LRP1B: variants seen among roughly 807,000 people sequenced by gnomAD.
LRP1B encodes low-density lipoprotein receptor-related protein 1B.
A neutral mutation model predicts 556.6 loss-of-function variants in LRP1B; 217 were observed. The observed-to-expected ratio is 0.39, with a 90% CI of 0.35 to 0.44. The LOEUF is 0.44. Ranked by LOEUF, LRP1B falls within the 20% of genes least tolerant of loss-of-function variation. LRP1B has a pLI of 1.00. For missense variants in LRP1B, 5,053 were observed against 5,620.8 expected (o/e 0.90, Z 3.23); for synonymous variants, 2,047 against 1,865.8 (o/e 1.10, Z -2.50).
intron 41 of LRP1B, among the ~76,000 whole-genome samples, chr2:140,645,323 TTTAC>T: frequency 6.6e-6 from 1 of 151,994 alleles, no homozygotes. Context: ...TCCTGTCACT[TTTAC>T]TTAATTATAG....
At chr2:140,937,215 G>A (rs1202167131) in intron 20 of LRP1B, among the ~76,000 whole-genome samples, 1 of 152,034 alleles carries the variant, frequency 6.6e-6, no homozygotes, top group African/African-American at 2.4e-5. Context: ...AGGGCACATA[G>A]GAAACAAATG....
chr2:141,247,306 T>C lies in LRP1B; in HGVS notation c.512A>G (p.Asn171Ser). The stretch of plus-strand genomic sequence containing the variant: ...ACTGCAAGTGTAGGATCCATGTGTG[T>C]TTCTGCAGGTCTGGCTGCATGTACC... ...VYGTCSQTCR[N>S]THGSYTCSCV... is the part of the protein sequence containing the mutation. The change falls in exon 5 of 91, where the codon AAC (asparagine) becomes AGC (serine). Residue 171 changes from asparagine to serine, a missense_variant. By Grantham distance (46) the Asn-to-Ser change is conservative. This residue lies in a region of LRP1B where 3,619 missense variants were observed against 3,931.9 expected (regional missense o/e 0.92). Transcript: ENST00000389484. 1.9e-6 allele frequency: 3 copies of C among 1,613,836 alleles called. No homozygotes were observed. The highest frequency in any genetic ancestry group is 2.5e-6 in the Non-Finnish European group (3 of 1,179,798).
chr2:140,458,990 A>C (rs1218986701), intron 60 of LRP1B, among the ~76,000 whole-genome samples: 1 of 152,058 alleles, frequency 6.6e-6, no homozygotes, highest in Non-Finnish European at 1.5e-5. Flanking sequence ...AATTCATCTC[A>C]GAACAGATAC....
intron 1 of LRP1B, among the ~76,000 whole-genome samples, chr2:141,916,077 A>G (rs1164644895): frequency 5.9e-5 from 9 of 152,202 alleles, no homozygotes. Flanking sequence ...ATTGTTGGGC[A>G]TATTTCAACA....
chr2:140,535,101 G>A (rs567416944), intron 46 of LRP1B, among the ~76,000 whole-genome samples: 1 of 152,060 alleles, frequency 6.6e-6, no homozygotes, highest in Non-Finnish European at 1.5e-5. Flanking sequence ...TTAAAGGATG[G>A]TAAATAATAA....
chr2:141,055,221 G>A lies in LRP1B; in HGVS notation c.1447C>T (p.Pro483Ser), dbSNP rs1699146140. 3.1e-6 allele frequency: 5 copies of A among 1,611,326 alleles called. No homozygotes were observed. The highest frequency in any genetic ancestry group is 2.2e-5 in the East Asian group (1 of 44,668). The change falls in exon 10 of 91, where the codon CCA becomes TCA. Residue 483 changes from proline to serine, a missense_variant. Pro to Ser is a moderately conservative substitution (Grantham distance 74). Around this residue, in one of 5 missense-constraint regions of LRP1B, gnomAD observed 3,619 missense variants for 3,931.9 expected, o/e 0.92. Coordinates refer to ENST00000389484, the MANE Select transcript of LRP1B (RefSeq NM_018557.3). ...AGACAGATGTGTGAACAGCCCCCTG[G>A]CATTCCATATGGATCGACTTCACAT... ...HACEVDPYGM[P>S]GGCSHICLLS... is the part of the protein sequence containing the mutation.
At chr2:140,905,355 C>T (rs146251087) in intron 22 of LRP1B, among the ~76,000 whole-genome samples, 1 of 152,084 alleles carries the variant, frequency 6.6e-6, no homozygotes, top group African/African-American at 2.4e-5. Context: ...TGCCTGAGAA[C>T]GCTCATGATG....
At chr2:141,809,761 A>G (rs958655437) in intron 2 of LRP1B, among the ~76,000 whole-genome samples, 1 of 152,054 alleles carries the variant, frequency 6.6e-6, no homozygotes, top group African/African-American at 2.4e-5. Flanking sequence ...TCAGTCTCAA[A>G]GGAAAATATG....
intron 88 of LRP1B, 51 bp downstream of exon 88, chr2:140,239,391 C>G: frequency 8.8e-7 from 1 of 1,130,238 alleles, no homozygotes; most frequent in Non-Finnish European, 1.3e-6. Flanking sequence ...GTTTCTGCAC[C>G]TAGTTGTGTG....
chr2:142,084,671 C>A (rs534961510), intron 1 of LRP1B, among the ~76,000 whole-genome samples: 1 of 152,248 alleles, frequency 6.6e-6, no homozygotes, highest in African/African-American at 2.4e-5. Context: ...CTACTTTTAC[C>A]AATAACATCT....
intron 2 of LRP1B, among the ~76,000 whole-genome samples, chr2:141,573,393 C>T (rs1686606328): frequency 6.6e-6 from 1 of 151,936 alleles, no homozygotes; most frequent in Non-Finnish European, 1.5e-5. Context: ...TCCTTGAAAC[C>T]AATGAGCATA....
At chr2:140,709,699 C>A (rs1686966085) in intron 37 of LRP1B, among the ~76,000 whole-genome samples, 4 of 152,022 alleles carry the variant, frequency 2.6e-5, no homozygotes, top group Admixed American at 2.0e-4. Context: ...CATTATGGTT[C>A]ACATTTTCCC....
chr2:141,477,560 C>G (rs990453898), intron 3 of LRP1B, among the ~76,000 whole-genome samples: 2 of 152,118 alleles, frequency 1.3e-5, no homozygotes, highest in African/African-American at 4.8e-5. Flanking sequence ...TAAACACAAA[C>G]TATATAAACG....
chr2:141,986,227 G>T (rs1256726986), intron 1 of LRP1B, among the ~76,000 whole-genome samples: 1 of 151,878 alleles, frequency 6.6e-6, no homozygotes, highest in Non-Finnish European at 1.5e-5. Context: ...TCACTGAATT[G>T]TACGGCTAAA....
chr2:141,608,019 G>T (rs1300026982), intron 2 of LRP1B, among the ~76,000 whole-genome samples: 1 of 152,100 alleles, frequency 6.6e-6, no homozygotes, highest in Non-Finnish European at 1.5e-5. Flanking sequence ...GAGGTAGGGA[G>T]TTTGAGACCA....
intron 72 of LRP1B, among the ~76,000 whole-genome samples, chr2:140,363,507 T>G (rs993285962): frequency 3.3e-5 from 5 of 151,582 alleles, no homozygotes; most frequent in African/African-American, 1.2e-4. Context: ...AGCTTCTGGA[T>G]TGATGTTGGT....
intron 60 of LRP1B, 44 bp from the exon 61 acceptor site, chr2:140,457,695 T>G: frequency 6.7e-7 from 1 of 1,500,730 alleles, no homozygotes; most frequent in Non-Finnish European, 9.3e-7. Flanking sequence ...CTTGGAAGAC[T>G]GCCAGTTAAA....
At chr2:141,585,016 C>T (rs537101654) in intron 2 of LRP1B, among the ~76,000 whole-genome samples, 6 of 152,000 alleles carry the variant, frequency 3.9e-5, no homozygotes, top group East Asian at 1.9e-4. Flanking sequence ...GAACTATACA[C>T]CTAAAAATGG....
chr2:140,332,532 G>A (rs639195), intron 79 of LRP1B, among the ~76,000 whole-genome samples: 73,045 of 151,866 alleles, frequency 0.48, 18,028 homozygotes, highest in Non-Finnish European at 0.53. Flanking sequence ...GTGAGGACTC[G>A]CACATACCCT....
Sources: gnomAD v4.1 joint callset for allele counts (sites outside exome capture counted in the v4.1 genomes callset) on GRCh38, gnomAD v4.1.1 for gene constraint, gnomAD v4.1.1 regional missense constraint, MANE v1.5 for transcripts, NCBI Gene and HGNC (gene_info 2026-07-23, HGNC 2026-07-21) for gene names.